RYR2: variants seen among roughly 807,000 people sequenced by gnomAD.
The protein encoded by RYR2 is cardiac muscle ryanodine receptor-calcium release channel.
Under a neutral mutation model 601.1 loss-of-function variants are expected in RYR2, and 227 were observed. The ratio of observed to expected loss-of-function variants is 0.38; its 90% confidence interval spans 0.34 to 0.42. RYR2 has a LOEUF of 0.42. Among genes scored for constraint, RYR2 ranks in the 10% least tolerant of loss-of-function variants. RYR2 has a pLI of 1.00. For synonymous variants in RYR2, 2,223 were observed against 2,175.1 expected (o/e 1.02, Z -0.61); for missense variants, 4,646 against 6,156.5 (o/e 0.75, Z 8.21).
At chr1:237,593,917 A>C (rs1440667316) in intron 33 of RYR2, among the ~76,000 whole-genome samples, 1 of 152,198 alleles carries the variant, frequency 6.6e-6, no homozygotes, top group Non-Finnish European at 1.5e-5. Flanking sequence ...GGTTACCAAT[A>C]CTTAGCCTTT....
At chr1:237,619,722 C>T (rs1056911610) in intron 38 of RYR2, among the ~76,000 whole-genome samples, 1 of 151,876 alleles carries the variant, frequency 6.6e-6, no homozygotes, top group Admixed American at 6.6e-5. Flanking sequence ...AGAAATGACA[C>T]TACCTACAGG....
At chr1:237,122,915 T>G (rs529193500) in intron 1 of RYR2, among the ~76,000 whole-genome samples, 2 of 152,294 alleles carry the variant, frequency 1.3e-5, no homozygotes, top group South Asian at 4.1e-4. Context: ...AAAAACCTTA[T>G]GTATATAAGG....
intron 40 of RYR2, among the ~76,000 whole-genome samples, chr1:237,626,584 T>TTTC: frequency 9.5e-6 from 1 of 105,656 alleles, no homozygotes; most frequent in Non-Finnish European, 1.8e-5. Flanking sequence ...CTTTTTCTTT[T>TTTC]TTTTTTTTTT....
rs1687732005 is a variant in RYR2 at position 237,699,002 on chromosome 1, T to C, written c.9105T>C (p.Ile3035=). 1.9e-6 allele frequency: 3 copies of C among 1,553,072 alleles called. No homozygotes were observed. Among genetic ancestry groups the C allele is most frequent in the Non-Finnish European group, 1.8e-6 (2 of 1,142,842 alleles). Residue 3035 remains isoleucine (I), a synonymous_variant, in exon 64 of 105, where the codon ATT becomes ATC. Coordinates refer to ENST00000366574, the MANE Select transcript of RYR2 (RefSeq NM_001035.3). ...CATCAATTGTCAACTGTCTTCATAT[T>C]TTGGGTCAGACTTTGGATGCAAGGT... The part of the protein sequence containing the change: ...DATSIVNCLH[I]LGQTLDARTV...
chr1:237,627,937 T>A lies in RYR2; in HGVS notation c.6297T>A (p.Val2099=). 1 of 1,613,896 alleles carries A rather than the reference T, an allele frequency of 6.2e-7. No individual in the cohort carries two copies. The highest frequency in any genetic ancestry group is 8.5e-7 in the Non-Finnish European group (1 of 1,179,880). Reference sequence around the variant, plus strand: ...AGTATGACGGCATTGGGGGTCTTGTTCGGGCCCTGCCAAAGACCTACACGA... The same window carrying A: ...AGTATGACGGCATTGGGGGTCTTGTACGGGCCCTGCCAAAGACCTACACGA... ...HRQYDGIGGL[V]RALPKTYTIN... is the part of the protein sequence containing the mutation. The change falls in exon 41 of 105, where the codon GTT becomes GTA. Residue 2099 remains valine, a synonymous_variant. Coordinates refer to ENST00000366574, the MANE Select transcript of RYR2 (RefSeq NM_001035.3).
intron 2 of RYR2, among the ~76,000 whole-genome samples, chr1:237,271,474 T>G (rs532648344): frequency 5.3e-5 from 8 of 152,346 alleles, no homozygotes; most frequent in African/African-American, 1.7e-4. Flanking sequence ...TGTATATGAA[T>G]GAATTTTCAT....
chr1:237,588,791 G>A (rs1674816735), intron 29 of RYR2, among the ~76,000 whole-genome samples: 1 of 151,356 alleles, frequency 6.6e-6, no homozygotes. Context: ...CAAGATCACA[G>A]CATTGTACTC....
In RYR2 at chr1:237,649,868, C is replaced by A; in HGVS notation, c.7513-9C>A. 6.2e-7 allele frequency: 1 copy of A among 1,611,498 alleles called. No individual in the cohort carries two copies. Among genetic ancestry groups the A allele is most frequent in the Non-Finnish European group, 8.5e-7 (1 of 1,178,404 alleles). ...ACAAATGGCCTTCTACTCTCTGATT[C>A]TTTTTCAGGCAGCTTTGAGTGCTAC... On this transcript the variant is annotated splice_polypyrimidine_tract_variant and intron_variant, in intron 49 of 104. Transcript: ENST00000366574.
intron 9 of RYR2, 147 bp downstream of exon 9, chr1:237,387,527 C>A: frequency 1.5e-6 from 1 of 669,590 alleles, no homozygotes; most frequent in Non-Finnish European, 2.6e-6. Flanking sequence ...ATTTGAGGAT[C>A]TTGTTTAAAC....
chr1:237,552,334 A>G (rs1431448199), intron 27 of RYR2, among the ~76,000 whole-genome samples: 1 of 152,210 alleles, frequency 6.6e-6, no homozygotes, highest in Non-Finnish European at 1.5e-5. Flanking sequence ...TTAGTTCTAT[A>G]TAATTATGTT....
At position 237,254,688 on chromosome 1, in the gene RYR2, T is replaced by G. The variant is rs946512106; in HGVS notation, c.49-15809T>G. ...GTTATGTGTACTCTATACATATATT[T>G]ATACTTACACATGGGTCTCATCTGC... On this transcript the variant is annotated intron_variant, in intron 1 of 104. Coordinates refer to ENST00000366574, the MANE Select transcript of RYR2 (RefSeq NM_001035.3). Among the ~76,000 whole-genome samples, 104 of 152,334 alleles carry G rather than the reference T, an allele frequency of 6.8e-4. 1 individual carries two copies. The highest frequency in any genetic ancestry group is 2.4e-3 in the African/African-American group (100 of 41,584).
At chr1:237,088,296 C>T (rs531966133) in intron 1 of RYR2, among the ~76,000 whole-genome samples, 6 of 152,276 alleles carry the variant, frequency 3.9e-5, no homozygotes, top group African/African-American at 1.4e-4. Context: ...GCCATCTCCA[C>T]GCTCCTGTGA....
At chr1:237,611,241 CTT>C (rs1240067722) in intron 36 of RYR2, among the ~76,000 whole-genome samples, 2 of 152,170 alleles carry the variant, frequency 1.3e-5, no homozygotes, top group Non-Finnish European at 2.9e-5. Context: ...TTCATTCACT[CTT>C]GCGTTACTTA....
intron 58 of RYR2, among the ~76,000 whole-genome samples, chr1:237,670,135 G>A (rs1263188485): frequency 2.6e-5 from 4 of 151,996 alleles, no homozygotes; most frequent in African/African-American, 7.2e-5. Flanking sequence ...AAAAAAATAC[G>A]AAAACCAGTC....
intron 78 of RYR2, among the ~76,000 whole-genome samples, chr1:237,733,157 A>G (rs1354254360): frequency 6.6e-6 from 1 of 152,238 alleles, no homozygotes; most frequent in Non-Finnish European, 1.5e-5. Flanking sequence ...AAACTGCTGA[A>G]ATAACTTTGC....
At position 237,732,032 on chromosome 1, in the gene RYR2, T is replaced by C; in HGVS notation, c.10936-14T>C. The C allele has an allele frequency of 3.2e-6, 5 of 1,559,550 alleles. No individual in the cohort carries two copies. The highest frequency in any genetic ancestry group is 4.4e-6 in the Non-Finnish European group (5 of 1,138,714). ...TTTTTAATGTGACATTTTATAAATT[T>C]GACTTTTTTGCAGAAACCTGGGGCT... On this transcript the variant is annotated splice_polypyrimidine_tract_variant and intron_variant, in intron 77 of 104. Transcript: ENST00000366574.
At chr1:237,441,631 CTT>C in intron 13 of RYR2, 148 bp downstream of exon 13, 1 of 619,046 alleles carries the variant, frequency 1.6e-6, no homozygotes, top group Non-Finnish European at 2.6e-6. Flanking sequence ...GTAATAGACT[CTT>C]TAGCTTTGTA....
chr1:237,205,598 C>T (rs1035884936), intron 1 of RYR2, among the ~76,000 whole-genome samples: 1 of 152,206 alleles, frequency 6.6e-6, no homozygotes. Flanking sequence ...GGCACCCAGG[C>T]TGGTGGTGGC....
chr1:237,623,179 G>T (rs1026937433), intron 38 of RYR2, among the ~76,000 whole-genome samples: 2 of 152,076 alleles, frequency 1.3e-5, no homozygotes, highest in Non-Finnish European at 2.9e-5. Flanking sequence ...CTGACATATT[G>T]TGGACTTGAG....
Sources: gnomAD v4.1 joint callset for allele counts (sites outside exome capture counted in the v4.1 genomes callset) on GRCh38, gnomAD v4.1.1 for gene constraint, MANE v1.5 for transcripts, NCBI Gene and HGNC (gene_info 2026-07-23, HGNC 2026-07-21) for gene names.